Variants in CSMD2 observed in about 807,000 individuals in gnomAD.
CSMD2 encodes the protein CUB and Sushi multiple domains 2.
Under a neutral mutation model 398.5 loss-of-function variants are expected in CSMD2, and 130 were observed. The observed-to-expected ratio is 0.33, with a 90% CI of 0.28 to 0.38. CSMD2 has a LOEUF of 0.38. Ranked by LOEUF, CSMD2 falls within the 10% of genes least tolerant of loss-of-function variation. CSMD2 has a pLI of 1.00. For synonymous variants in CSMD2, 1,828 were observed against 1,908.5 expected (o/e 0.96, Z 1.10); for missense variants, 3,829 against 4,764.9 (o/e 0.80, Z 5.78).
At chr1:33,675,609 G>A (rs1644681742) in intron 25 of CSMD2, among the ~76,000 whole-genome samples, 1 of 152,174 alleles carries the variant, frequency 6.6e-6, no homozygotes, top group Non-Finnish European at 1.5e-5. Context: ...CTCATTTTAT[G>A]AGGCCAGCAT....
At chr1:34,043,845 T>C (rs538307081) in intron 2 of CSMD2, among the ~76,000 whole-genome samples, 2 of 152,184 alleles carry the variant, frequency 1.3e-5, no homozygotes, top group African/African-American at 4.8e-5. Context: ...GGAAGAGGGG[T>C]CTAGGTAATC....
intron 3 of CSMD2, among the ~76,000 whole-genome samples, chr1:33,998,496 T>C (rs147690789): frequency 6.6e-6 from 1 of 152,362 alleles, no homozygotes; most frequent in East Asian, 1.9e-4. Context: ...ACAGTCACCT[T>C]GTCCAGGTGT....
At chr1:33,543,399 G>C (rs1656550049) in intron 57 of CSMD2, among the ~76,000 whole-genome samples, 1 of 152,230 alleles carries the variant, frequency 6.6e-6, no homozygotes, top group Admixed American at 6.5e-5. Context: ...TTTGCTAACT[G>C]CATCAATGAG....
At chr1:33,942,351 C>A (rs958050917) in intron 3 of CSMD2, among the ~76,000 whole-genome samples, 8 of 152,214 alleles carry the variant, frequency 5.3e-5, no homozygotes, top group African/African-American at 1.7e-4. Flanking sequence ...CATGCATTCT[C>A]CTGAGGGAGA....
At chr1:33,570,166 C>CT (rs5773416) in intron 51 of CSMD2, among the ~76,000 whole-genome samples, 1,476 of 117,252 alleles carry the variant, frequency 0.013, 26 homozygotes, top group Non-Finnish European at 0.019. Context: ...CGGACATTGG[C>CT]TTTTTTTTTT....
intron 5 of CSMD2, among the ~76,000 whole-genome samples, chr1:33,906,522 T>C (rs10914812): frequency 0.28 from 42,623 of 152,040 alleles, 6,319 homozygotes; most frequent in African/African-American, 0.37. Flanking sequence ...GTACAGTATA[T>C]TGGGAGAACT....
chr1:33,654,780 G>A (rs886121381), intron 27 of CSMD2, among the ~76,000 whole-genome samples: 1 of 152,218 alleles, frequency 6.6e-6, no homozygotes, highest in East Asian at 1.9e-4. Context: ...GGGGCACAAC[G>A]AGGCCTCCAT....
intron 1 of CSMD2, among the ~76,000 whole-genome samples, chr1:34,148,893 T>G (rs1375174651): frequency 2.6e-5 from 4 of 152,144 alleles, no homozygotes; most frequent in African/African-American, 9.7e-5. Flanking sequence ...AGGTGGCGGA[T>G]GGGGTCCAAG....
intron 22 of CSMD2, among the ~76,000 whole-genome samples, chr1:33,703,995 C>T (rs1645693917): frequency 6.6e-6 from 1 of 152,126 alleles, no homozygotes; most frequent in Non-Finnish European, 1.5e-5. Context: ...CCTTTTCATA[C>T]CCTCTGTGCA....
intron 6 of CSMD2, among the ~76,000 whole-genome samples, chr1:33,843,639 G>A (rs568632995): frequency 7.2e-6 from 1 of 138,002 alleles, no homozygotes; most frequent in Non-Finnish European, 1.6e-5. Flanking sequence ...AGAGAGCAAG[G>A]GAGCCTGGTG....
intron 29 of CSMD2, among the ~76,000 whole-genome samples, chr1:33,637,176 A>G (rs376492213): frequency 1.3e-5 from 2 of 152,118 alleles, no homozygotes; most frequent in African/African-American, 4.8e-5. Flanking sequence ...TTCTGAGTGC[A>G]TGGGTACCAA....
At position 33,572,538 on chromosome 1, in the gene CSMD2, C is replaced by G; in HGVS notation, c.7730G>C (p.Trp2577Ser). 1 of 1,613,110 alleles carries G rather than the reference C, an allele frequency of 6.2e-7. No homozygotes were observed. ...ATAECLDTGL[W>S]SNRNVPPQCV... Reference sequence around the variant, plus strand: ...CTGTGGTGGGACATTGCGGTTGCTCCATAGGCCTGTGTCCAGACACTCTGC... The same window carrying G: ...CTGTGGTGGGACATTGCGGTTGCTCGATAGGCCTGTGTCCAGACACTCTGC... Residue 2577 changes from tryptophan (W) to serine (S), a missense_variant, in exon 50 of 71, where the codon TGG (tryptophan) becomes TCG (serine). Around this residue, in one of 5 missense-constraint regions of CSMD2, gnomAD observed 723 missense variants for 758.6 expected, o/e 0.95. Transcript: ENST00000373381.
At chr1:33,632,762 A>T (rs1457331100) in intron 32 of CSMD2, among the ~76,000 whole-genome samples, 1 of 152,208 alleles carries the variant, frequency 6.6e-6, no homozygotes, top group Admixed American at 6.5e-5. Flanking sequence ...AAAGTAACAG[A>T]AATGTATATA....
intron 3 of CSMD2, among the ~76,000 whole-genome samples, chr1:33,986,663 A>C (rs952268339): frequency 3.3e-5 from 5 of 152,186 alleles, no homozygotes. Flanking sequence ...AATAGCTTAA[A>C]GTCCTTCCAA....
chr1:33,995,562 T>G (rs1327698186), intron 3 of CSMD2, among the ~76,000 whole-genome samples: 2 of 152,178 alleles, frequency 1.3e-5, no homozygotes, highest in East Asian at 3.9e-4. Flanking sequence ...CCAGGGCTTG[T>G]GCAAAACTTC....
chr1:33,811,934 A>C, intron 9 of CSMD2, among the ~76,000 whole-genome samples: 1 of 152,190 alleles, frequency 6.6e-6, no homozygotes, highest in East Asian at 1.9e-4. Context: ...TAACTATATA[A>C]AATGAAAGTG....
chr1:34,027,117 GTACCTCTAAAGGAAACCCAT>G (rs1340026086), intron 3 of CSMD2, among the ~76,000 whole-genome samples: 1 of 152,164 alleles, frequency 6.6e-6, no homozygotes, highest in African/African-American at 2.4e-5. Flanking sequence ...GAAAACTGCT[GTACCTCTAAAGGAAACCCAT>G]TACATTAATA....
intron 46 of CSMD2, 118 bp downstream of exon 46, chr1:33,586,386 C>T (rs1367292549): frequency 3.1e-6 from 2 of 649,906 alleles, no homozygotes; most frequent in Non-Finnish European, 5.6e-6. Flanking sequence ...ACCAAGTGAC[C>T]TTTCATGTTA....
At chr1:33,750,349 A>G (rs1648051604) in intron 13 of CSMD2, among the ~76,000 whole-genome samples, 1 of 152,186 alleles carries the variant, frequency 6.6e-6, no homozygotes, top group Non-Finnish European at 1.5e-5. Flanking sequence ...AGCTTCCTGT[A>G]TCTCAACTCA....
Sources: gnomAD v4.1 joint callset for allele counts (sites outside exome capture counted in the v4.1 genomes callset) on GRCh38, gnomAD v4.1.1 for gene constraint, gnomAD v4.1.1 regional missense constraint, MANE v1.5 for transcripts, NCBI Gene and HGNC (gene_info 2026-07-23, HGNC 2026-07-21) for gene names.